The following LHX9 variants were observed in gnomAD, a reference collection of about 807,000 sequenced individuals.
LHX9 encodes the protein LIM/homeobox protein Lhx9.
A neutral mutation model predicts 36.5 loss-of-function variants in LHX9; 9 were observed. The observed-to-expected ratio is 0.25, with a 90% CI of 0.15 to 0.43. LHX9 has a LOEUF of 0.43. Among genes scored for constraint, LHX9 ranks in the 20% least tolerant of loss-of-function variants. The pLI is 1.00. For synonymous variants in LHX9, 211 were observed against 212.1 expected, an observed-to-expected ratio of 0.99 and a Z score of 0.04; for missense variants, 464 against 526.4, an observed-to-expected ratio of 0.88 and a Z score of 1.16.
In LHX9 at chr1:197,924,952, G is replaced by A. The variant is rs745491510; in HGVS notation, c.734-2639G>A. On this transcript the variant is annotated intron_variant, in intron 3 of 4. Coordinates refer to ENST00000367387, the MANE Select transcript of LHX9 (RefSeq NM_020204.3). ...TACAGCTTTAGCAATAGGCCTTGGA[G>A]AAACAGTCATTTGCAAGTTTATATA... Among the ~76,000 whole-genome samples the A allele has an allele frequency of 6.7e-5, 3 of 44,514 alleles. 1 individual carries two copies. The highest frequency in any genetic ancestry group is 1.2e-4 in the Non-Finnish European group (3 of 24,402). The allele number at this position is 44,514 out of a possible 152,430, so 29.2% of individuals were successfully genotyped here. A position where few individuals can be genotyped will look rare whatever the true frequency, so the allele number is the denominator to read the frequency against.
intron 1 of LHX9, 57 bp from the exon 2 acceptor site, chr1:197,919,915 G>A (rs1005507226): frequency 5.7e-6 from 9 of 1,576,468 alleles, no homozygotes; most frequent in Admixed American, 1.7e-5. Flanking sequence ...GGAGAACCCC[G>A]CGTCGTGCGG....
upstream of LHX9, chr1:197,916,528 G>C: frequency 1.6e-6 from 1 of 611,544 alleles, no homozygotes; most frequent in Non-Finnish European, 2.9e-6. Context: ...TAGAATCTCC[G>C]GCAACCTTCC....
intron 1 of LHX9, chr1:197,918,440 G>T (rs1419209855): frequency 7.0e-6 from 5 of 714,542 alleles, no homozygotes; most frequent in East Asian, 5.4e-5. Flanking sequence ...TGGGCCTGAT[G>T]ACCGGACCTG....
At position 197,921,785 on chromosome 1, in the gene LHX9, A is replaced by T; in HGVS notation, c.733+126A>T. The T allele has an allele frequency of 1.4e-6, 1 of 732,862 alleles. No individual in the cohort carries two copies. The highest frequency in any genetic ancestry group is 1.8e-5 in the African/African-American group (1 of 56,450). 45.4% of individuals were successfully genotyped at this position (732,862 alleles called of 1,614,324 possible). On this transcript the variant is annotated intron_variant, in intron 3 of 4. Transcript: ENST00000367387. The surrounding 1 kb of genome is among the most constrained non-coding windows in gnomAD (Gnocchi z 4.6). ...GCCCAATGCCTCTGTTCTCACTGCA[A>T]CTCCCTCTCACTCTGAAGGAAGGGA... is the stretch of plus-strand genomic sequence containing the variant.
Position 197,921,644 on chromosome 1 carries a change from G to C in LHX9, c.718G>C (p.Val240Leu). 1 of 1,588,046 alleles carries C rather than the reference G, an allele frequency of 6.3e-7. No individual in the cohort carries two copies. The highest frequency in any genetic ancestry group is 8.5e-7 in the Non-Finnish European group (1 of 1,170,710). Residue 240 changes from valine to leucine, a missense_variant, in exon 3 of 5, where the codon GTC becomes CTC. Coordinates refer to ENST00000367387, the MANE Select transcript of LHX9 (RefSeq NM_020204.3). The surrounding 1 kb of genome is among the most constrained non-coding windows in gnomAD (Gnocchi z 4.6). ...RKSPALGVDI[V>L]NYNSGCNENE... Reference sequence around the variant, plus strand: ...GAGCCCAGCGCTGGGAGTGGACATCGTCAATTACAACTCAGGTGTGCCTCC... The same window carrying C: ...GAGCCCAGCGCTGGGAGTGGACATCCTCAATTACAACTCAGGTGTGCCTCC...
Position 197,931,848 on chromosome 1 carries a change from A to C in LHX9, c.*2589A>C. On this transcript the variant is annotated 3_prime_UTR_variant, in exon 5 of 5. Transcript: ENST00000367387. ...GCACAAATGGATATTTGTAAATCTAAATAGAAATTGCAGACCCCTAAAAGC... is the reference window on the plus strand; with the variant it reads ...GCACAAATGGATATTTGTAAATCTACATAGAAATTGCAGACCCCTAAAAGC... The C allele has an allele frequency of 3.0e-6, 3 of 1,005,650 alleles. No individual in the cohort carries two copies. Among genetic ancestry groups the C allele is most frequent in the African/African-American group, 1.6e-5 (1 of 62,214 alleles). 62.3% of individuals were successfully genotyped at this position (1,005,650 alleles called of 1,614,324 possible).
rs1477017920 is a variant in LHX9 at position 197,917,469 on chromosome 1, T to A, written c.-355T>A. On this transcript the variant is annotated 5_prime_UTR_variant, in exon 1 of 5. Coordinates refer to ENST00000367387, the MANE Select transcript of LHX9 (RefSeq NM_020204.3). ...TCTTTCTTTGTGTTCAAAACTATTT[T>A]CTTTCTTCACCAGATTTTGTTTTCC... is the stretch of plus-strand genomic sequence containing the variant. 5 of 1,341,090 alleles carry A rather than the reference T, an allele frequency of 3.7e-6. No homozygotes were observed. The highest frequency in any genetic ancestry group is 4.5e-5 in the Admixed American group (2 of 44,526). The allele number at this position is 1,341,090 out of a possible 1,614,324, so 83.1% of individuals were successfully genotyped here. A position where few individuals can be genotyped will look rare whatever the true frequency, so the allele number is the denominator to read the frequency against.
intron 3 of LHX9, among the ~76,000 whole-genome samples, chr1:197,924,275 C>T (rs1660082663): frequency 6.6e-6 from 1 of 152,154 alleles, no homozygotes; most frequent in South Asian, 2.1e-4. Context: ...GTAAACAAGT[C>T]TCATAAAGGG....
chr1:197,932,164 G>C lies in LHX9; in HGVS notation c.*2905G>C. On this transcript the variant is annotated 3_prime_UTR_variant, in exon 5 of 5. Transcript: ENST00000367387. ...CTTTATGGTGTCTAACACAACTGAA[G>C]GCCTAAAATTATGTGGTTTAAACAA... The C allele has an allele frequency of 4.4e-6, 2 of 450,148 alleles. No individual in the cohort carries two copies. The highest frequency in any genetic ancestry group is 4.0e-6 in the Non-Finnish European group (1 of 252,006). The allele number at this position is 450,148 out of a possible 1,614,324, so 27.9% of individuals were successfully genotyped here.
Position 197,931,651 on chromosome 1 carries a change from G to T in LHX9, c.*2392G>T. Reference sequence around the variant, plus strand: ...TGAAATGTTACACATTGTTGCACAGGCAGTGTAATTCAACCTAGAAATACC... The same window carrying T: ...TGAAATGTTACACATTGTTGCACAGTCAGTGTAATTCAACCTAGAAATACC... On this transcript the variant is annotated 3_prime_UTR_variant, in exon 5 of 5. Coordinates refer to ENST00000367387, the MANE Select transcript of LHX9 (RefSeq NM_020204.3). 1 of 351,914 alleles carries T rather than the reference G, an allele frequency of 2.8e-6. No individual in the cohort carries two copies. 21.8% of individuals were successfully genotyped at this position (351,914 alleles called of 1,614,324 possible).
rs1158306784 is a variant in LHX9 at position 197,920,033 on chromosome 1, C to T, written c.236C>T (p.Ser79Leu). Residue 79 changes from serine (S) to leucine (L), a missense_variant, in exon 2 of 5, where the codon TCG becomes TTG. Transcript: ENST00000367387. ...TGCGCCGGCTGCGGGGGCAAGATCT[C>T]GGACAGGTACTATCTGCTGGCTGTG... ...ALCAGCGGKI[S>L]DRYYLLAVDK... 11 of 1,614,144 alleles carry T rather than the reference C, an allele frequency of 6.8e-6. No homozygotes were observed. The African/African-American group carries it at 1.3e-4, about 20-fold the overall frequency.
intron 1 of LHX9, 41 bp downstream of exon 1, chr1:197,918,038 G>A: frequency 6.3e-7 from 1 of 1,593,340 alleles, no homozygotes; most frequent in Non-Finnish European, 8.5e-7. Flanking sequence ...GGGCACCCCT[G>A]CGCCCTCTGT....
Position 197,920,246 on chromosome 1 carries a change from C to G in LHX9, c.377+72C>G, listed in dbSNP as rs185194588. The G allele has an allele frequency of 1.3e-3, 1,834 of 1,432,078 alleles. 21 individuals carry two copies. In the African/African-American group the frequency reaches 0.022, roughly 17 times the overall value. 88.7% of individuals were successfully genotyped at this position (1,432,078 alleles called of 1,614,324 possible). A position where few individuals can be genotyped will look rare whatever the true frequency, so the allele number is the denominator to read the frequency against. ...GGCCATCTGCCTGAGCCCGGAATCC[C>G]CTCTCCGTCCCCTACCTTTTGCCCC... On this transcript the variant is annotated intron_variant, in intron 2 of 4. Transcript: ENST00000367387.
intron 2 of LHX9, 130 bp downstream of exon 2, chr1:197,920,304 GCAAA>G: frequency 3.7e-6 from 2 of 535,798 alleles, no homozygotes; most frequent in Non-Finnish European, 6.4e-6. Flanking sequence ...CGGAGACCAG[GCAAA>G]CCCACTGCAT....
upstream of LHX9, chr1:197,916,459 G>T: frequency 7.1e-6 from 4 of 564,286 alleles, no homozygotes; most frequent in South Asian, 8.6e-5. Flanking sequence ...GGGGGCAGGC[G>T]CCAAGCTCCC....
At chr1:197,923,489 A>G (rs1053677379) in intron 3 of LHX9, among the ~76,000 whole-genome samples, 10 of 98,272 alleles carry the variant, frequency 1.0e-4, no homozygotes, top group African/African-American at 3.2e-4. Flanking sequence ...CCAAGGCCCT[A>G]ATTCCCAGAG....
At chr1:197,915,372 T>C (rs867341140), upstream of LHX9, among the ~76,000 whole-genome samples, 1 of 152,192 alleles carries the variant, frequency 6.6e-6, no homozygotes, top group South Asian at 2.1e-4. Context: ...CAATCTGCCC[T>C]TTTGTGAGAG....
At position 197,917,418 on chromosome 1, in the gene LHX9, G is replaced by A. The variant is rs1659798819; in HGVS notation, c.-406G>A. The A allele has an allele frequency of 7.6e-7, 1 of 1,309,984 alleles. No individual in the cohort carries two copies. 81.1% of individuals were successfully genotyped at this position (1,309,984 alleles called of 1,614,324 possible). On this transcript the variant is annotated 5_prime_UTR_variant, in exon 1 of 5. Coordinates refer to ENST00000367387, the MANE Select transcript of LHX9 (RefSeq NM_020204.3). ...GCACTGGGAACTTGCAAGCAGCCAG[G>A]GAACGCTGAAAATAGCACGTCTTTT...
chr1:197,914,171 A>G (rs1304468407), upstream of LHX9, among the ~76,000 whole-genome samples: 1 of 152,220 alleles, frequency 6.6e-6, no homozygotes, highest in Non-Finnish European at 1.5e-5. Flanking sequence ...AAGAAAGCTT[A>G]GTGGACTGCG....
Sources: gnomAD v4.1 joint callset for allele counts (sites outside exome capture counted in the v4.1 genomes callset) on GRCh38, gnomAD v4.1.1 for gene constraint, Gnocchi (gnomAD v3.1) non-coding constraint, MANE v1.5 for transcripts, NCBI Gene and HGNC (gene_info 2026-07-23, HGNC 2026-07-21) for gene names.